Variants in HMGB1 observed in about 807,000 individuals in gnomAD.
HMGB1 encodes high mobility group protein B1.
For missense variants in HMGB1, 79 were observed against 253.5 expected, an observed-to-expected ratio of 0.31 and a Z score of 4.67; for synonymous variants, 81 against 84.0, an observed-to-expected ratio of 0.96 and a Z score of 0.19.
chr13:30,538,584 CTTT>C (rs1160978672), intron 1 of HMGB1, among the ~76,000 whole-genome samples: 2 of 106,830 alleles, frequency 1.9e-5, no homozygotes, highest in Non-Finnish European at 3.9e-5. Context: ...TTCTTTCTTT[CTTT>C]TTCTTTCTTC....
chr13:30,604,675 TGAGACGGA>T (rs1950437367), intron 1 of HMGB1, among the ~76,000 whole-genome samples: 1 of 152,232 alleles, frequency 6.6e-6, no homozygotes, highest in Admixed American at 6.5e-5. Flanking sequence ...TGTTTGTTTT[TGAGACGGA>T]GTCTCGCTCT....
chr13:30,512,513 A>C (rs916817062), intron 1 of HMGB1, among the ~76,000 whole-genome samples: 2 of 152,234 alleles, frequency 1.3e-5, no homozygotes, highest in Non-Finnish European at 2.9e-5. Flanking sequence ...ATTCCACAGC[A>C]ATCCTGGAGC....
chr13:30,554,259 T>C, intron 1 of HMGB1: 3 of 1,408,918 alleles, frequency 2.1e-6, no homozygotes, highest in Non-Finnish European at 3.0e-6. Context: ...AATTTCTTGT[T>C]GAAAGTGAGA....
rs1267338193 is a variant in HMGB1, at chr13:30,465,906, A to C, written c.-125T>G. On this transcript the variant is annotated 5_prime_UTR_variant, in exon 1 of 5. Transcript: ENST00000341423. ...GGCTGTGAGAGCGGGAGCCAGACGC[A>C]GCCTCCTCACTCTCTCCGCTCTGTA... The C allele has an allele frequency of 2.2e-5, 22 of 985,776 alleles. No individual in the cohort carries two copies. The highest frequency in any genetic ancestry group is 2.4e-5 in the Non-Finnish European group (20 of 829,986). The allele number at this position is 985,776 out of a possible 1,614,324, so 61.1% of individuals were successfully genotyped here.
intron 1 of HMGB1, among the ~76,000 whole-genome samples, chr13:30,581,045 C>T (rs1398262466): frequency 6.6e-6 from 1 of 152,074 alleles, no homozygotes; most frequent in Admixed American, 6.6e-5. Context: ...AATCCTCTTG[C>T]CAAAGAGGTG....
At chr13:30,566,905 C>T (rs899080541) in intron 1 of HMGB1, among the ~76,000 whole-genome samples, 8 of 152,036 alleles carry the variant, frequency 5.3e-5, no homozygotes, top group South Asian at 2.1e-4. Context: ...ACCACAAATG[C>T]GAAAAGGAAT....
chr13:30,462,602 G>C lies in HMGB1; in HGVS notation c.407C>G (p.Thr136Ser). 6.2e-7 allele frequency: 1 copy of C among 1,608,778 alleles called. No individual in the cohort carries two copies. Among genetic ancestry groups the C allele is most frequent in the Non-Finnish European group, 8.5e-7 (1 of 1,175,236 alleles). Residue 136 changes from threonine (T) to serine (S), a missense_variant, in exon 4 of 5, where the codon ACT becomes AGT. Coordinates refer to ENST00000341423, the MANE Select transcript of HMGB1 (RefSeq NM_002128.7). ...ATAAGGCTGCTTGTCATCTGCAGCA[G>C]TGTTATTCCACATCTCTCCCAGTTT... Reference protein sequence around the residue: ...AKKLGEMWNNTAADDKQPYEK... With the variant: ...AKKLGEMWNNSAADDKQPYEK...
At chr13:30,565,915 A>G (rs920091176) in intron 1 of HMGB1, among the ~76,000 whole-genome samples, 5 of 152,208 alleles carry the variant, frequency 3.3e-5, no homozygotes, top group Non-Finnish European at 7.3e-5. Flanking sequence ...CAGGACCACA[A>G]CCCTTGAGAT....
intron 4 of HMGB1, among the ~76,000 whole-genome samples, chr13:30,461,970 G>A (rs1886370129): frequency 6.6e-6 from 1 of 152,006 alleles, no homozygotes; most frequent in Admixed American, 6.6e-5. Flanking sequence ...CATGCAATTA[G>A]GTTAAGAAAC....
At chr13:30,481,582 TTAGGAC>T (rs1285004983) in intron 1 of HMGB1, among the ~76,000 whole-genome samples, 2 of 152,216 alleles carry the variant, frequency 1.3e-5, no homozygotes, top group Non-Finnish European at 2.9e-5. Flanking sequence ...CCATCATACC[TTAGGAC>T]TATAAGATTC....
At chr13:30,580,958 T>G (rs558646360) in intron 1 of HMGB1, among the ~76,000 whole-genome samples, 3 of 152,168 alleles carry the variant, frequency 2.0e-5, no homozygotes, top group Non-Finnish European at 4.4e-5. Flanking sequence ...ATTTTCTTTC[T>G]GGGACAGGGT....
intron 1 of HMGB1, chr13:30,464,611 C>G: frequency 1.0e-6 from 1 of 983,774 alleles, no homozygotes; most frequent in Non-Finnish European, 1.2e-6. Context: ...TTGTCAGGCT[C>G]GGCGCAGGGA....
rs1042927143 is a variant in HMGB1, at chr13:30,500,649, C to T, written c.-14-36955G>A. On this transcript the variant is annotated intron_variant, in intron 1 of 4. Transcript: ENST00000405805. ...CTCTGCCTCCTGGGTTCAAGCGATTCTCCTGCCTCAGCCTCCTGAGTAGCT... is the reference window on the plus strand; with the variant it reads ...CTCTGCCTCCTGGGTTCAAGCGATTTTCCTGCCTCAGCCTCCTGAGTAGCT... Among the ~76,000 whole-genome samples, 3 of 151,156 alleles carry T rather than the reference C, an allele frequency of 2.0e-5. 1 individual carries two copies. The South Asian group carries it at 6.2e-4, about 31-fold the overall frequency.
intron 1 of HMGB1, among the ~76,000 whole-genome samples, chr13:30,517,994 T>G (rs188917421): frequency 6.6e-6 from 1 of 152,288 alleles, no homozygotes; most frequent in Admixed American, 6.5e-5. Flanking sequence ...AGTTGACTGT[T>G]AGTGTAGTCA....
chr13:30,612,350 C>T (rs956372598), intron 1 of HMGB1, among the ~76,000 whole-genome samples: 2 of 152,068 alleles, frequency 1.3e-5, no homozygotes, highest in African/African-American at 4.8e-5. Flanking sequence ...ACAAGACACT[C>T]GAGCTAAGAC....
At position 30,516,291 on chromosome 13, in the gene HMGB1, T is replaced by C. The variant is rs182538436; in HGVS notation, c.-14-52597A>G. Among the ~76,000 whole-genome samples, 17 of 152,360 alleles carry C rather than the reference T, an allele frequency of 1.1e-4. No homozygotes were observed. The East Asian group carries it at 3.3e-3, about 29-fold the overall frequency. ...TTTCAGAAGTTAAATTGATTCAAGA[T>C]ATTCAAGAGCTGGTAAAGTGTCTTC... On this transcript the variant is annotated intron_variant, in intron 1 of 4. Transcript: ENST00000405805.
At chr13:30,531,628 G>A (rs573810674) in intron 1 of HMGB1, among the ~76,000 whole-genome samples, 2 of 151,512 alleles carry the variant, frequency 1.3e-5, no homozygotes, top group Admixed American at 6.6e-5. Context: ...CAGCTGGTGC[G>A]GTGGCTCACG....
At chr13:30,614,483 AC>A (rs1950541904) in intron 1 of HMGB1, among the ~76,000 whole-genome samples, 1 of 152,244 alleles carries the variant, frequency 6.6e-6, no homozygotes, top group African/African-American at 2.4e-5. Context: ...ATAAGGTCAC[AC>A]AGCAGAAGAG....
intron 1 of HMGB1, among the ~76,000 whole-genome samples, chr13:30,609,844 T>C (rs934487112): frequency 2.0e-5 from 3 of 152,228 alleles, no homozygotes; most frequent in African/African-American, 7.2e-5. Flanking sequence ...ATACCATTTT[T>C]GGTTTCCCAT....
Sources: allele counts gnomAD v4.1 joint callset (sites outside exome capture counted in the v4.1 genomes callset), GRCh38; gene constraint gnomAD v4.1.1; transcripts MANE v1.5; gene names NCBI Gene and HGNC (gene_info 2026-07-23, HGNC 2026-07-21).